Variants in DNMT3B observed in about 807,000 individuals in gnomAD.
DNMT3B encodes DNA methyltransferase 3 beta.
Under a neutral mutation model 120.2 loss-of-function variants are expected in DNMT3B, and 37 were observed. That is an observed-to-expected ratio of 0.31 (90% CI 0.24 to 0.40). The LOEUF (loss-of-function observed/expected upper bound fraction) is 0.40, where lower values mean the gene tolerates loss of function less well. Among genes scored for constraint, DNMT3B ranks in the 10% least tolerant of loss-of-function variants. The probability of loss-of-function intolerance (pLI) is 1.00; values close to 1 mark genes in which losing one functional copy is unlikely to be tolerated. For missense variants in DNMT3B, 878 were observed against 1,137.3 expected (o/e 0.77, Z 3.28); for synonymous variants, 412 against 442.8 (o/e 0.93, Z 0.87).
intron 3 of DNMT3B, 43 bp from the exon 4 acceptor site, chr20:32,784,715 T>TA (rs1246339902): frequency 1.2e-6 from 2 of 1,607,304 alleles, no homozygotes; most frequent in Non-Finnish European, 1.7e-6. Context: ...GACTTGCTGA[T>TA]ACCCTGGGGT....
intron 3 of DNMT3B, 41 bp from the exon 4 acceptor site, chr20:32,784,717 C>A (rs773293094): frequency 1.9e-6 from 3 of 1,607,020 alleles, no homozygotes; most frequent in African/African-American, 2.7e-5. Context: ...CTTGCTGATA[C>A]CCTGGGGTCT....
intron 15 of DNMT3B, among the ~76,000 whole-genome samples, 171 bp downstream of exon 15, chr20:32,798,814 G>A (rs2424923): frequency 1.1e-4 from 16 of 152,352 alleles, no homozygotes; most frequent in East Asian, 5.8e-4. Context: ...GTTTTCAGCC[G>A]TGCCAGGGTT....
chr20:32,797,942 C>A (rs1347605200), intron 14 of DNMT3B, among the ~76,000 whole-genome samples: 1 of 152,158 alleles, frequency 6.6e-6, no homozygotes, highest in African/African-American at 2.4e-5. Context: ...TCCCAAAGTT[C>A]TGGGATTACA....
chr20:32,800,032 G>T (rs1981130998), intron 16 of DNMT3B, 121 bp from the exon 17 acceptor site: 2 of 1,436,206 alleles, frequency 1.4e-6, no homozygotes, highest in Non-Finnish European at 2.0e-6. Flanking sequence ...GCCTTTGCTG[G>T]ATTGAACGCA....
intron 16 of DNMT3B, 100 bp from the exon 17 acceptor site, chr20:32,800,053 T>A: frequency 6.5e-7 from 1 of 1,535,512 alleles, no homozygotes; most frequent in Non-Finnish European, 9.0e-7. Flanking sequence ...TGTGATACAG[T>A]CATGAGGAAC....
intron 19 of DNMT3B, among the ~76,000 whole-genome samples, chr20:32,801,823 A>C (rs528509955): frequency 6.6e-6 from 1 of 152,240 alleles, no homozygotes; most frequent in Non-Finnish European, 1.5e-5. Context: ...GGGCTCAAGC[A>C]ATCCGCCCAC....
intron 1 of DNMT3B, among the ~76,000 whole-genome samples, chr20:32,765,313 G>T (rs182912736): frequency 1.3e-5 from 2 of 152,012 alleles, no homozygotes; most frequent in East Asian, 3.9e-4. Context: ...CCCCTTTGTT[G>T]GGGGGCTCAT....
rs1162542108 is a variant in DNMT3B, at chr20:32,762,668, G to A, written c.-38G>A. ...GCCAGCCCCGACCCGCGGCTCCGCC[G>A]CCCAGCCGCGCCCCAGCCAGCCCTG... On this transcript the variant is annotated 5_prime_UTR_variant, in exon 1 of 23. Coordinates refer to ENST00000328111, the MANE Select transcript of DNMT3B (RefSeq NM_006892.4). 1.5e-5 allele frequency: 3 copies of A among 205,080 alleles called. No individual in the cohort carries two copies. Among genetic ancestry groups the A allele is most frequent in the South Asian group, 1.4e-4 (2 of 14,696 alleles). The allele number at this position is 205,080 out of a possible 1,614,324, so 12.7% of individuals were successfully genotyped here.
At chr20:32,791,793 A>G (rs942727270) in intron 8 of DNMT3B, 85 bp downstream of exon 8, 1 of 1,511,604 alleles carries the variant, frequency 6.6e-7, no homozygotes, top group Non-Finnish European at 9.1e-7. Context: ...CAGTGTTGCC[A>G]AGGGTGGTTT....
chr20:32,804,956 C>A (rs1380304601), intron 20 of DNMT3B, among the ~76,000 whole-genome samples: 1 of 152,132 alleles, frequency 6.6e-6, no homozygotes, highest in Non-Finnish European at 1.5e-5. Flanking sequence ...CCACAAAAAT[C>A]TATTCCAAGC....
At chr20:32,768,968 T>C (rs1051948457) in intron 1 of DNMT3B, among the ~76,000 whole-genome samples, 1 of 152,104 alleles carries the variant, frequency 6.6e-6, no homozygotes, top group African/African-American at 2.4e-5. Flanking sequence ...TGCCCTAGGA[T>C]GTTACATGCT....
chr20:32,779,852 G>A, intron 1 of DNMT3B: 2 of 590,740 alleles, frequency 3.4e-6, no homozygotes, highest in Admixed American at 5.9e-5. Flanking sequence ...AGATTGAGGG[G>A]AAGGGAGAGA....
At chr20:32,780,864 C>A (rs1978535292) in intron 2 of DNMT3B, among the ~76,000 whole-genome samples, 1 of 152,192 alleles carries the variant, frequency 6.6e-6, no homozygotes, top group South Asian at 2.1e-4. Context: ...CAGCTCCAGC[C>A]AGCTCACTTG....
intron 22 of DNMT3B, among the ~76,000 whole-genome samples, 154 bp downstream of exon 22, chr20:32,806,481 T>C (rs1164822787): frequency 1.3e-5 from 2 of 152,200 alleles, no homozygotes; most frequent in African/African-American, 4.8e-5. Context: ...TTCGCCCTTA[T>C]TTCCTGACAA....
chr20:32,762,729 G>A, intron 1 of DNMT3B, 30 bp downstream of exon 1: 1 of 162,478 alleles, frequency 6.2e-6, no homozygotes, highest in Non-Finnish European at 1.3e-5. Flanking sequence ...GGGGAGGCTC[G>A]GCCGCCAGCT....
intron 2 of DNMT3B, among the ~76,000 whole-genome samples, 180 bp downstream of exon 2, chr20:32,780,645 G>C (rs1978500037): frequency 6.6e-6 from 1 of 152,144 alleles, no homozygotes; most frequent in Non-Finnish European, 1.5e-5. Context: ...CGCAGCCCTT[G>C]GCCTCCCCTT....
In DNMT3B at chr20:32,808,136, G is replaced by A; in HGVS notation, c.*233G>A. On this transcript the variant is annotated 3_prime_UTR_variant, in exon 23 of 23. Coordinates refer to ENST00000328111, the MANE Select transcript of DNMT3B (RefSeq NM_006892.4). ...TGGCTGCTTGGAGCAGCCTAACACGGTGCTCATTTTTTCTTCTCCTAAAAC... is the reference window on the plus strand; with the variant it reads ...TGGCTGCTTGGAGCAGCCTAACACGATGCTCATTTTTTCTTCTCCTAAAAC... 1 of 614,140 alleles carries A rather than the reference G, an allele frequency of 1.6e-6. No individual in the cohort carries two copies. The highest frequency in any genetic ancestry group is 2.7e-6 in the Non-Finnish European group (1 of 366,350). The allele number at this position is 614,140 out of a possible 1,614,324, so 38.0% of individuals were successfully genotyped here.
intron 1 of DNMT3B, among the ~76,000 whole-genome samples, chr20:32,774,531 A>C (rs1384444272): frequency 2.5e-5 from 1 of 40,358 alleles, no homozygotes; most frequent in Non-Finnish European, 4.8e-5. Context: ...TTTTTTTTTT[A>C]GATTCAAGAA....
At position 32,787,257 on chromosome 20, in the gene DNMT3B, G is replaced by A; in HGVS notation, c.460G>A (p.Ala154Thr). ...RSLRRRATAS[A>T]GTPWPSPPSS... ...CCTGAGACGGCGGGCAACAGCATCG[G>A]CAGGAACGCCATGGCCGTCCCCTCC... is the stretch of plus-strand genomic sequence containing the variant. Residue 154 changes from alanine to threonine, a missense_variant, in exon 6 of 23, where the codon GCA becomes ACA. By Grantham distance (58) the Ala-to-Thr change is moderately conservative. Coordinates refer to ENST00000328111, the MANE Select transcript of DNMT3B (RefSeq NM_006892.4). 6.2e-7 allele frequency: 1 copy of A among 1,614,200 alleles called. No homozygotes were observed. The highest frequency in any genetic ancestry group is 1.1e-5 in the South Asian group (1 of 91,084).
Sources: gnomAD v4.1 joint callset for allele counts (sites outside exome capture counted in the v4.1 genomes callset) on GRCh38, gnomAD v4.1.1 for gene constraint, MANE v1.5 for transcripts, NCBI Gene and HGNC (gene_info 2026-07-23, HGNC 2026-07-21) for gene names.